EFCAB6: variants seen among roughly 807,000 people sequenced by gnomAD.
EFCAB6 encodes EF-hand calcium-binding domain-containing protein 6.
In EFCAB6, 156 loss-of-function variants were observed where a neutral mutation model predicts 169.8. That is an observed-to-expected ratio of 0.92 (90% CI 0.81 to 1.05). The LOEUF is 1.05. Among genes scored for constraint, EFCAB6 ranks in the 50% least tolerant of loss-of-function variants. The probability of loss-of-function intolerance (pLI) is 0.00; values close to 1 mark genes in which losing one functional copy is unlikely to be tolerated. For missense variants in EFCAB6, 1,800 were observed against 1,829.1 expected (o/e 0.98, Z 0.29); for synonymous variants, 698 against 676.4 (o/e 1.03, Z -0.50).
intron 26 of EFCAB6, among the ~76,000 whole-genome samples, chr22:43,565,020 G>A (rs527765821): frequency 1.3e-5 from 2 of 152,292 alleles, no homozygotes; most frequent in South Asian, 2.1e-4. Flanking sequence ...TGCCAGGGGG[G>A]GCTTTGTGGC....
intron 8 of EFCAB6, among the ~76,000 whole-genome samples, chr22:43,721,293 C>T (rs557592591): frequency 4.1e-4 from 63 of 152,256 alleles, no homozygotes; most frequent in Middle Eastern, 3.4e-3. Context: ...ATTAAAATGG[C>T]CATACTGCCC....
chr22:43,624,794 G>A lies in EFCAB6; in HGVS notation c.2465+1653C>T, dbSNP rs73432068. 5.2e-3 allele frequency among the ~76,000 whole-genome samples: 787 copies of A among 152,304 alleles called. 9 individuals carry two copies. Among genetic ancestry groups the A allele is most frequent in the African/African-American group, 0.018 (763 of 41,554 alleles). On this transcript the variant is annotated intron_variant, in intron 20 of 31. Transcript: ENST00000262726. ...GTCCTGGGACAATGTCTAGCATATAGTAGGCCCTTAGTAAATATTTGATGA... is the reference window on the plus strand; with the variant it reads ...GTCCTGGGACAATGTCTAGCATATAATAGGCCCTTAGTAAATATTTGATGA...
chr22:43,649,638 A>T (rs1043477146), intron 17 of EFCAB6, among the ~76,000 whole-genome samples: 1 of 152,252 alleles, frequency 6.6e-6, no homozygotes. Flanking sequence ...TGAATGCCCA[A>T]CAAAAAGAGA....
chr22:43,808,626 G>C (rs1012007748), intron 2 of EFCAB6, among the ~76,000 whole-genome samples: 6 of 152,052 alleles, frequency 3.9e-5, no homozygotes, highest in Non-Finnish European at 8.8e-5. Context: ...TATACAGAAA[G>C]ATAAATCAGA....
At chr22:43,556,814 T>A (rs1223294498) in intron 26 of EFCAB6, among the ~76,000 whole-genome samples, 1 of 152,240 alleles carries the variant, frequency 6.6e-6, no homozygotes, top group Non-Finnish European at 1.5e-5. Context: ...CTTCTATACA[T>A]CTTCATTTGG....
chr22:43,721,659 A>T (rs1251594632), intron 8 of EFCAB6, among the ~76,000 whole-genome samples: 2 of 152,216 alleles, frequency 1.3e-5, no homozygotes, highest in Non-Finnish European at 2.9e-5. Context: ...CTCCCTATTA[A>T]ATAAATAGTA....
At chr22:43,720,922 G>A (rs1004331286) in intron 8 of EFCAB6, among the ~76,000 whole-genome samples, 2 of 152,174 alleles carry the variant, frequency 1.3e-5, no homozygotes, top group African/African-American at 4.8e-5. Flanking sequence ...CATACGAAAT[G>A]AAGAAGTCAA....
chr22:43,781,420 C>A (rs570310692), intron 3 of EFCAB6, among the ~76,000 whole-genome samples: 3 of 152,250 alleles, frequency 2.0e-5, no homozygotes, highest in African/African-American at 7.2e-5. Flanking sequence ...ACCTCCAGGG[C>A]CTAAGCCATC....
intron 17 of EFCAB6, among the ~76,000 whole-genome samples, chr22:43,652,807 T>A (rs2056539846): frequency 7.5e-6 from 1 of 134,218 alleles, no homozygotes. Context: ...ATCCAGATAT[T>A]GGAAATACCA....
At chr22:43,668,842 G>A (rs768531799) in intron 16 of EFCAB6, 30 bp downstream of exon 16, 2 of 1,546,942 alleles carry the variant, frequency 1.3e-6, no homozygotes, top group Non-Finnish European at 1.7e-6. Context: ...CTGTGGTTTT[G>A]ATATGTGCAT....
At chr22:43,759,363 G>A (rs1205153873) in intron 5 of EFCAB6, 1 of 152,180 alleles carries the variant, frequency 6.6e-6, no homozygotes, top group Non-Finnish European at 1.5e-5. Flanking sequence ...GTGGTGCTCA[G>A]AAAGCTTTTA....
At chr22:43,627,955 C>T (rs1569275748) in intron 19 of EFCAB6, among the ~76,000 whole-genome samples, 1 of 152,170 alleles carries the variant, frequency 6.6e-6, no homozygotes, top group South Asian at 2.1e-4. Flanking sequence ...AGATGCCGCC[C>T]CTGCCTCCGG....
chr22:43,734,979 G>A (rs1045993405), intron 7 of EFCAB6, among the ~76,000 whole-genome samples: 5 of 152,132 alleles, frequency 3.3e-5, no homozygotes, highest in African/African-American at 7.2e-5. Flanking sequence ...CTTGGGCTCC[G>A]GGTGAAATGA....
chr22:43,655,545 A>G (rs2056696045), intron 17 of EFCAB6, among the ~76,000 whole-genome samples: 1 of 151,754 alleles, frequency 6.6e-6, no homozygotes, highest in Non-Finnish European at 1.5e-5. Flanking sequence ...AAGTTGGATA[A>G]TCCTAAAAGA....
chr22:43,771,442 A>T (rs370248059), intron 4 of EFCAB6, among the ~76,000 whole-genome samples: 149 of 152,238 alleles, frequency 9.8e-4, no homozygotes, highest in Admixed American at 2.7e-3. Flanking sequence ...AATAAAAAAT[A>T]AATTAATTAA....
At chr22:43,547,760 A>C (rs370362171) in intron 27 of EFCAB6, among the ~76,000 whole-genome samples, 32 of 151,436 alleles carry the variant, frequency 2.1e-4, no homozygotes, top group African/African-American at 7.8e-4. Flanking sequence ...AGAAAAAAAA[A>C]AAAACATAAT....
chr22:43,757,001 T>C (rs1294565328), intron 5 of EFCAB6, among the ~76,000 whole-genome samples: 1 of 152,122 alleles, frequency 6.6e-6, no homozygotes, highest in Non-Finnish European at 1.5e-5. Context: ...TGGAGGCAGA[T>C]GCCAGGCTCG....
In EFCAB6 at chr22:43,530,818, C is replaced by T. The variant is rs1018332079; in HGVS notation, c.4380G>A (p.Arg1460=). ...GTGLLSVADF[R]TVLRQYSINL... Reference sequence around the variant, plus strand: ...CTGGGCGCAGAGCTGTGCTCACCGTCCTGAAATCTGCGACGCTTAGCAGCC... The same window carrying T: ...CTGGGCGCAGAGCTGTGCTCACCGTTCTGAAATCTGCGACGCTTAGCAGCC... Residue 1460 remains arginine (R), a synonymous_variant, in exon 31 of 32, where the codon AGG becomes AGA. Coordinates refer to ENST00000262726, the MANE Select transcript of EFCAB6 (RefSeq NM_022785.4). 1 of 1,613,644 alleles carries T rather than the reference C, an allele frequency of 6.2e-7. No individual in the cohort carries two copies. The highest frequency in any genetic ancestry group is 8.5e-7 in the Non-Finnish European group (1 of 1,180,050).
chr22:43,699,507 T>C (rs1179748195), intron 10 of EFCAB6, among the ~76,000 whole-genome samples: 2 of 152,184 alleles, frequency 1.3e-5, no homozygotes, highest in African/African-American at 4.8e-5. Flanking sequence ...AAAGATCCTT[T>C]AATAAACTCA....
Sources: gnomAD v4.1 joint callset for allele counts (sites outside exome capture counted in the v4.1 genomes callset) on GRCh38, gnomAD v4.1.1 for gene constraint, MANE v1.5 for transcripts, NCBI Gene and HGNC (gene_info 2026-07-23, HGNC 2026-07-21) for gene names.